Variants in VPS13B observed in about 807,000 individuals in gnomAD.
The protein encoded by VPS13B is vacuolar protein sorting 13 homolog B, also known as intermembrane lipid transfer protein VPS13B.
In VPS13B, 285 loss-of-function variants were observed where a neutral mutation model predicts 426.4. That is an observed-to-expected ratio of 0.67 (90% CI 0.61 to 0.74). The LOEUF (loss-of-function observed/expected upper bound fraction) is 0.74. Ranked by LOEUF, VPS13B falls within the 30% of genes least tolerant of loss-of-function variation. The pLI, the probability that VPS13B is intolerant of heterozygous loss-of-function variation, is 0.00. For missense variants in VPS13B, 4,537 were observed against 4,782.6 expected (o/e 0.95, Z 1.51); for synonymous variants, 1,676 against 1,676.4 (o/e 1.00, Z 0.01).
At chr8:99,763,289 A>G (rs148477392) in intron 39 of VPS13B, among the ~76,000 whole-genome samples, 2 of 152,268 alleles carry the variant, frequency 1.3e-5, no homozygotes, top group Admixed American at 1.3e-4. Flanking sequence ...TTAATGTGCC[A>G]GAGATGGGTT....
chr8:99,559,678 G>T (rs963276805), intron 31 of VPS13B, among the ~76,000 whole-genome samples: 11 of 152,256 alleles, frequency 7.2e-5, no homozygotes, highest in South Asian at 2.1e-4. Context: ...TTTCCCCATT[G>T]CTTGTTTTTG....
intron 19 of VPS13B, among the ~76,000 whole-genome samples, chr8:99,363,086 T>G (rs1259701069): frequency 6.6e-6 from 1 of 152,198 alleles, no homozygotes; most frequent in East Asian, 1.9e-4. Context: ...CAGACCAATG[T>G]TTTGGAGAGT....
rs202015701 is a variant in VPS13B, at chr8:99,442,626, C to T, written c.3436C>T (p.Leu1146Phe). The T allele has an allele frequency of 6.2e-7, 1 of 1,613,538 alleles. No individual in the cohort carries two copies. The highest frequency in any genetic ancestry group is 1.7e-5 in the Admixed American group (1 of 59,966). The change falls in exon 23 of 62, where the codon CTT (leucine) becomes TTT (phenylalanine). Residue 1146 changes from leucine (L) to phenylalanine (F), a missense_variant. By Grantham distance (22) the Leu-to-Phe change is conservative (BLOSUM62 0). Transcript: ENST00000357162. ...TCCATTTGTTATCCCACGACCCATC[C>T]TTGAAGAAGGTATATGTTAACATTT... ...EIPFVIPRPI[L>F]EEGDAFPWTI...
chr8:99,458,252 A>T (rs891386103), intron 23 of VPS13B, among the ~76,000 whole-genome samples: 1 of 151,992 alleles, frequency 6.6e-6, no homozygotes. Flanking sequence ...TGAACTCATC[A>T]TTTTTTATGG....
At chr8:99,453,886 T>C (rs1286359082) in intron 23 of VPS13B, among the ~76,000 whole-genome samples, 1 of 152,164 alleles carries the variant, frequency 6.6e-6, no homozygotes, top group Non-Finnish European at 1.5e-5. Flanking sequence ...ACCCAAAATC[T>C]GCAGTTTACT....
chr8:99,530,141 CTA>C (rs766743752), intron 30 of VPS13B, among the ~76,000 whole-genome samples: 10 of 152,158 alleles, frequency 6.6e-5, no homozygotes, highest in Non-Finnish European at 1.3e-4. Context: ...ATGTTCAACT[CTA>C]TTTTTAATTT....
chr8:99,558,368 C>T (rs1563795216), intron 31 of VPS13B, among the ~76,000 whole-genome samples: 1 of 151,924 alleles, frequency 6.6e-6, no homozygotes, highest in African/African-American at 2.4e-5. Flanking sequence ...TTGCCTAGCT[C>T]CTATCATTTA....
At chr8:99,221,358 C>T (rs1182386738) in intron 17 of VPS13B, among the ~76,000 whole-genome samples, 9 of 151,904 alleles carry the variant, frequency 5.9e-5, no homozygotes, top group East Asian at 5.8e-4. Context: ...CCTGAGGAAT[C>T]GCCACACTGA....
intron 19 of VPS13B, among the ~76,000 whole-genome samples, chr8:99,360,157 TC>T (rs1812441776): frequency 2.7e-5 from 1 of 36,848 alleles, no homozygotes; most frequent in Admixed American, 3.0e-4. Flanking sequence ...TTTCTTTCTT[TC>T]TTTCTTTCTT....
At chr8:99,726,793 T>C (rs897871745) in intron 39 of VPS13B, among the ~76,000 whole-genome samples, 1 of 152,200 alleles carries the variant, frequency 6.6e-6, no homozygotes, top group African/African-American at 2.4e-5. Context: ...CGACCTCAAG[T>C]GATCTGCCCG....
intron 19 of VPS13B, 69 bp from the exon 20 acceptor site, chr8:99,384,139 G>C: frequency 7.9e-7 from 1 of 1,268,036 alleles, no homozygotes; most frequent in Non-Finnish European, 1.2e-6. Flanking sequence ...CCTACATGGT[G>C]TAAAGTGACA....
chr8:99,661,891 G>C (rs1452461169), intron 35 of VPS13B, among the ~76,000 whole-genome samples: 1 of 152,082 alleles, frequency 6.6e-6, no homozygotes, highest in Non-Finnish European at 1.5e-5. Flanking sequence ...ATATACATAA[G>C]ATAGTATACA....
At chr8:99,530,905 G>A (rs905431598) in intron 30 of VPS13B, among the ~76,000 whole-genome samples, 4 of 152,018 alleles carry the variant, frequency 2.6e-5, no homozygotes, top group African/African-American at 9.7e-5. Context: ...ACTACATCTC[G>A]CTGCCTGTAT....
intron 3 of VPS13B, among the ~76,000 whole-genome samples, chr8:99,066,469 A>G (rs1173392850): frequency 1.3e-5 from 2 of 152,212 alleles, no homozygotes; most frequent in African/African-American, 4.8e-5. Context: ...CTGAAACTGG[A>G]TCCCTTCCTT....
chr8:99,571,500 T>C (rs1182762380), intron 31 of VPS13B, among the ~76,000 whole-genome samples: 2 of 152,168 alleles, frequency 1.3e-5, no homozygotes, highest in African/African-American at 4.8e-5. Context: ...ACTTCTAAGG[T>C]CAAAGGTCTT....
chr8:99,829,677 T>G (rs1814932861), intron 51 of VPS13B, among the ~76,000 whole-genome samples: 1 of 152,208 alleles, frequency 6.6e-6, no homozygotes, highest in South Asian at 2.1e-4. Flanking sequence ...GAAGAGGCAT[T>G]CTGGTTTTTG....
rs747583708 is a variant in VPS13B, at chr8:99,877,168, A to ATCTT, written c.*1504_*1507dup. 2.6e-5 allele frequency: 4 copies of ATCTT among 152,160 alleles called. No homozygotes were observed. Among genetic ancestry groups the ATCTT allele is most frequent in the Admixed American group, 2.0e-4 (3 of 15,266 alleles). The allele number at this position is 152,160 out of a possible 1,614,324, so 9.4% of individuals were successfully genotyped here. ...GAGCCACCATGCCCAACACCCACTG[A>ATCTT]TCTTTAACTCTCACATGTTGGGCAT... On this transcript the variant is annotated 3_prime_UTR_variant, in exon 62 of 62. Coordinates refer to ENST00000357162, the MANE Select transcript of VPS13B (RefSeq NM_152564.5).
chr8:99,672,462 G>T (rs1319766977), intron 35 of VPS13B, among the ~76,000 whole-genome samples: 2 of 152,054 alleles, frequency 1.3e-5, no homozygotes, highest in African/African-American at 2.4e-5. Context: ...TTTGTATGCT[G>T]ATTTTTAATC....
At chr8:99,593,042 C>A (rs1303744615) in intron 33 of VPS13B, among the ~76,000 whole-genome samples, 1 of 151,990 alleles carries the variant, frequency 6.6e-6, no homozygotes. Context: ...AGTAACCCAA[C>A]AAAAGCAAAA....
Sources: allele counts gnomAD v4.1 joint callset (sites outside exome capture counted in the v4.1 genomes callset), GRCh38; gene constraint gnomAD v4.1.1; transcripts MANE v1.5; gene names NCBI Gene and HGNC (gene_info 2026-07-23, HGNC 2026-07-21).